The following ITGA4 variants were observed in gnomAD, a reference collection of about 807,000 sequenced individuals.
ITGA4 encodes the protein integrin alpha-4.
ITGA4 carries 63 observed loss-of-function variants against 133.6 expected under a neutral mutation model. The ratio of observed to expected loss-of-function variants is 0.47; its 90% CI spans 0.38 to 0.58. The LOEUF (loss-of-function observed/expected upper bound fraction) is 0.58. Ranked by LOEUF, ITGA4 falls within the 20% of genes least tolerant of loss-of-function variation. ITGA4 has a pLI of 0.00. For missense variants in ITGA4, 1,076 were observed against 1,252.7 expected (o/e 0.86, Z 2.13); for synonymous variants, 483 against 438.0 (o/e 1.10, Z -1.28).
At chr2:181,500,538 C>G (rs1040552991) in intron 15 of ITGA4, among the ~76,000 whole-genome samples, 1 of 152,114 alleles carries the variant, frequency 6.6e-6, no homozygotes, top group Non-Finnish European at 1.5e-5. Context: ...CTGGGTTGCT[C>G]CTGTGTTCCA....
chr2:181,527,294 C>A lies in ITGA4; in HGVS notation c.2340-3C>A. 1.9e-6 allele frequency: 3 copies of A among 1,580,136 alleles called. No homozygotes were observed. The highest frequency in any genetic ancestry group is 2.6e-6 in the Non-Finnish European group (3 of 1,150,416). On this transcript the variant is annotated splice_region_variant and splice_polypyrimidine_tract_variant and intron_variant, in intron 21 of 27. Transcript: ENST00000397033. ...TAATTAAATTTGAATTTGTTTTTAC[C>A]AGGTTTGTAAACCCAACTTCATTTG...
intron 20 of ITGA4, 115 bp downstream of exon 20, chr2:181,524,365 C>A: frequency 1.7e-6 from 1 of 574,286 alleles, no homozygotes; most frequent in Non-Finnish European, 3.0e-6. Context: ...ACTTCTCTTA[C>A]GTGGTATGCT....
intron 10 of ITGA4, among the ~76,000 whole-genome samples, chr2:181,487,841 T>C (rs10172410): frequency 0.45 from 67,966 of 151,986 alleles, 15,313 homozygotes; most frequent in Admixed American, 0.53. Context: ...CCTTATTTCG[T>C]GGCAAGTTTA....
At chr2:181,532,856 C>T (rs954769678) in intron 25 of ITGA4, among the ~76,000 whole-genome samples, 6 of 152,086 alleles carry the variant, frequency 3.9e-5, no homozygotes, top group African/African-American at 1.2e-4. Context: ...TTTGCCCATT[C>T]AGTATGATAT....
At position 181,527,328 on chromosome 2, in the gene ITGA4, T is replaced by A; in HGVS notation, c.2371T>A (p.Ser791Thr). 6.2e-7 allele frequency: 1 copy of A among 1,612,372 alleles called. No individual in the cohort carries two copies. The highest frequency in any genetic ancestry group is 8.5e-7 in the Non-Finnish European group (1 of 1,178,504). Residue 791 changes from serine to threonine, a missense_variant, in exon 22 of 28, where the codon TCA becomes ACA. Ser to Thr is a moderately conservative substitution (Grantham distance 58). Transcript: ENST00000397033. ...FVNPTSFVYG[S>T]NDENEPETCM... Reference sequence around the variant, plus strand: ...AAACCCAACTTCATTTGTGTATGGATCAAATGATGAAAATGAGCCTGAAAC... The same window carrying A: ...AAACCCAACTTCATTTGTGTATGGAACAAATGATGAAAATGAGCCTGAAAC...
At chr2:181,499,680 G>C (rs1033899063) in intron 15 of ITGA4, among the ~76,000 whole-genome samples, 7 of 152,008 alleles carry the variant, frequency 4.6e-5, no homozygotes, top group African/African-American at 1.7e-4. Flanking sequence ...AGTTTTTATT[G>C]TTGTACTAGA....
intron 15 of ITGA4, among the ~76,000 whole-genome samples, chr2:181,502,526 G>A (rs1011909703): frequency 1.3e-5 from 2 of 152,122 alleles, no homozygotes; most frequent in South Asian, 4.1e-4. Flanking sequence ...GTTGGTTCTA[G>A]ATAGGCATGT....
chr2:181,522,248 T>C lies in ITGA4; in HGVS notation c.1980T>C (p.Asn660=). The change falls in exon 18 of 28, where the codon AAT becomes AAC. Residue 660 remains asparagine, a synonymous_variant. Coordinates refer to ENST00000397033, the MANE Select transcript of ITGA4 (RefSeq NM_000885.6). ...AVGSMKTLML[N]VSLFNAGDDA... Reference sequence around the variant, plus strand: ...GGAGTATGAAGACATTGATGTTGAATGTGTCCTTGTTTAATGCTGGAGATG... The same window carrying C: ...GGAGTATGAAGACATTGATGTTGAACGTGTCCTTGTTTAATGCTGGAGATG... The C allele has an allele frequency of 6.2e-7, 1 of 1,607,072 alleles. No individual in the cohort carries two copies. The highest frequency in any genetic ancestry group is 8.5e-7 in the Non-Finnish European group (1 of 1,174,034).
intron 2 of ITGA4, among the ~76,000 whole-genome samples, chr2:181,459,856 A>G (rs1685223894): frequency 6.6e-6 from 1 of 152,192 alleles, no homozygotes; most frequent in Non-Finnish European, 1.5e-5. Context: ...ACTGATATTT[A>G]GTGCCTACTT....
At chr2:181,509,893 T>A (rs1389532249) in intron 16 of ITGA4, 86 bp downstream of exon 16, 1 of 972,684 alleles carries the variant, frequency 1.0e-6, no homozygotes, top group East Asian at 2.5e-5. Flanking sequence ...AAGTGAACTA[T>A]ATGTCGGAAT....
At chr2:181,480,414 G>A (rs1685776447) in intron 6 of ITGA4, 148 bp downstream of exon 6, 1 of 414,302 alleles carries the variant, frequency 2.4e-6, no homozygotes, top group Non-Finnish European at 4.3e-6. Context: ...GTCTCTTAAG[G>A]ATAGGATTTA....
chr2:181,537,725 C>T lies in ITGA4; in HGVS notation c.*2198C>T. 1 of 435,618 alleles carries T rather than the reference C, an allele frequency of 2.3e-6. No individual in the cohort carries two copies. Among genetic ancestry groups the T allele is most frequent in the Admixed American group, 2.5e-5 (1 of 40,310 alleles). 27.0% of individuals were successfully genotyped at this position (435,618 alleles called of 1,614,324 possible). ...TGGTTGCAAAGTTTTTTTGTGTGTCCAATAAACACATTGTAAAAAAAAGAA... is the reference window on the plus strand; with the variant it reads ...TGGTTGCAAAGTTTTTTTGTGTGTCTAATAAACACATTGTAAAAAAAAGAA... On this transcript the variant is annotated 3_prime_UTR_variant, in exon 28 of 28. Coordinates refer to ENST00000397033, the MANE Select transcript of ITGA4 (RefSeq NM_000885.6).
At chr2:181,527,237 A>C (rs1559056973) in intron 21 of ITGA4, 60 bp from the exon 22 acceptor site, 1 of 995,226 alleles carries the variant, frequency 1.0e-6, no homozygotes, top group Non-Finnish European at 1.6e-6. Flanking sequence ...ATAGAAAAAG[A>C]CTCTTTATAA....
rs375619768 is a variant in ITGA4, at chr2:181,481,638, T to C, written c.795T>C (p.Thr265=). ...VGAGHFRSQH[T]TEVVGGAPQH... ...CTGGTCATTTTCGGAGCCAGCATAC[T>C]ACCGAAGTAGTCGGAGGAGCTCCTC... The change falls in exon 7 of 28, where the codon ACT becomes ACC. Residue 265 remains threonine (T), a synonymous_variant. Transcript: ENST00000397033. The C allele has an allele frequency of 1.9e-5, 31 of 1,600,838 alleles. No individual in the cohort carries two copies. The African/African-American group carries it at 3.6e-4, about 19-fold the overall frequency.
At position 181,485,889 on chromosome 2, in the gene ITGA4, A is replaced by G; in HGVS notation, c.1050A>G (p.Val350=). The G allele has an allele frequency of 6.2e-7, 1 of 1,603,468 alleles. No homozygotes were observed. Among genetic ancestry groups the G allele is most frequent in the Non-Finnish European group, 8.5e-7 (1 of 1,176,932 alleles). ...FVYINSGSGA[V]MNAMETNLVG... ...TCTCCCTTTCTATCTAGGGAGCAGT[A>G]ATGAATGCAATGGAAACAAACCTCG... is the stretch of plus-strand genomic sequence containing the variant. The change falls in exon 10 of 28, where the codon GTA becomes GTG. Residue 350 remains valine, a synonymous_variant. Coordinates refer to ENST00000397033, the MANE Select transcript of ITGA4 (RefSeq NM_000885.6).
intron 26 of ITGA4, 45 bp downstream of exon 26, chr2:181,534,415 A>C (rs904213924): frequency 3.5e-6 from 4 of 1,132,430 alleles, no homozygotes; most frequent in Admixed American, 1.7e-5. Flanking sequence ...ATAGGAAAAC[A>C]CATTTCAAGG....
At chr2:181,528,364 C>G (rs1280201760) in intron 22 of ITGA4, among the ~76,000 whole-genome samples, 1 of 152,154 alleles carries the variant, frequency 6.6e-6, no homozygotes. Context: ...CTTTGATAAA[C>G]TAAAACAGAA....
chr2:181,457,763 G>A lies in ITGA4; in HGVS notation c.109G>A (p.Asp37Asn), dbSNP rs745308520. 1.9e-6 allele frequency: 3 copies of A among 1,613,628 alleles called. No homozygotes were observed. The highest frequency in any genetic ancestry group is 2.5e-6 in the Non-Finnish European group (3 of 1,179,964). Residue 37 changes from aspartate to asparagine, a missense_variant, in exon 1 of 28, where the codon GAC (aspartate) becomes AAC (asparagine). Coordinates refer to ENST00000397033, the MANE Select transcript of ITGA4 (RefSeq NM_000885.6). Reference sequence around the variant, plus strand: ...CCCGACCGGCCGCCCCTACAACGTGGACACTGAGAGCGCGCTGCTTTACCA... The same window carrying A: ...CCCGACCGGCCGCCCCTACAACGTGAACACTGAGAGCGCGCTGCTTTACCA... ...GVPTGRPYNV[D>N]TESALLYQGP...
chr2:181,525,164 C>A, intron 20 of ITGA4, 38 bp from the exon 21 acceptor site: 1 of 1,169,902 alleles, frequency 8.5e-7, no homozygotes, highest in Non-Finnish European at 1.3e-6. Flanking sequence ...GATTTTTCTG[C>A]TTGGTGAATT....
Sources: allele counts gnomAD v4.1 joint callset (sites outside exome capture counted in the v4.1 genomes callset), GRCh38; gene constraint gnomAD v4.1.1; transcripts MANE v1.5; gene names NCBI Gene and HGNC (gene_info 2026-07-23, HGNC 2026-07-21).